Variants in DHX37 observed in about 807,000 individuals in gnomAD.
DHX37 encodes the protein DEAH-box helicase 37.
Under a neutral mutation model 134.3 loss-of-function variants are expected in DHX37, and 52 were observed. That is an observed-to-expected ratio of 0.39 (90% confidence interval 0.31 to 0.49). The LOEUF is 0.49. Among genes scored for constraint, DHX37 ranks in the 20% least tolerant of loss-of-function variants. The probability of loss-of-function intolerance (pLI) is 0.93; values close to 1 mark genes in which losing one functional copy is unlikely to be tolerated. For synonymous variants in DHX37, 634 were observed against 670.7 expected (o/e 0.95, Z 0.85); for missense variants, 1,344 against 1,580.8 (o/e 0.85, Z 2.54).
intron 16 of DHX37, among the ~76,000 whole-genome samples, chr12:124,958,801 T>C (rs555395322): frequency 6.6e-6 from 1 of 151,928 alleles, no homozygotes; most frequent in African/African-American, 2.4e-5. Flanking sequence ...AATTTTTATA[T>C]TTTTAGTAGA....
chr12:124,970,865 G>A (rs1043233088), intron 8 of DHX37, among the ~76,000 whole-genome samples: 5 of 15,806 alleles, frequency 3.2e-4, no homozygotes, highest in African/African-American at 2.1e-3. Context: ...GCAGGCCCCT[G>A]TGTCAGGCTG....
At chr12:124,975,013 TG>T (rs1335199157) in intron 6 of DHX37, among the ~76,000 whole-genome samples, 2 of 152,198 alleles carry the variant, frequency 1.3e-5, no homozygotes, top group Non-Finnish European at 1.5e-5. Flanking sequence ...AGACCTCAGG[TG>T]ATCTGCCCGC....
chr12:124,959,397 A>G (rs1227772125), intron 16 of DHX37, among the ~76,000 whole-genome samples: 2 of 147,698 alleles, frequency 1.4e-5, no homozygotes, highest in Admixed American at 6.7e-5. Flanking sequence ...TTTTTTTTGT[A>G]TTTTTAGTAG....
Position 124,960,314 on chromosome 12 carries a change from T to C in DHX37, c.2155A>G (p.Lys719Glu). 1 of 1,612,358 alleles carries C rather than the reference T, an allele frequency of 6.2e-7. No individual in the cohort carries two copies. The highest frequency in any genetic ancestry group is 8.5e-7 in the Non-Finnish European group (1 of 1,178,806). Residue 719 changes from lysine to glutamate, a missense_variant and splice_region_variant, in exon 16 of 27, where the codon AAG (lysine) becomes GAG (glutamate). By Grantham distance (56) the Lys-to-Glu change is moderately conservative (BLOSUM62 1). Coordinates refer to ENST00000308736, the MANE Select transcript of DHX37 (RefSeq NM_032656.4). ...ILQMKALNVEKVINFPFPTPP... is the reference protein window; with the variant it reads ...ILQMKALNVEEVINFPFPTPP... The stretch of plus-strand genomic sequence containing the variant: ...CGGGGCTGGGGGCAGCAACTGACCT[T>C]TTCAACGTTGAGCGCCTTCATTTGA...
chr12:124,975,844 C>T (rs1352891232), intron 5 of DHX37, among the ~76,000 whole-genome samples: 3 of 152,182 alleles, frequency 2.0e-5, no homozygotes, highest in Admixed American at 6.5e-5. Flanking sequence ...GTGGCTGGTC[C>T]CAGCTCTGTG....
At chr12:124,971,750 C>T (rs1172957695) in intron 7 of DHX37, among the ~76,000 whole-genome samples, 1 of 152,180 alleles carries the variant, frequency 6.6e-6, no homozygotes, top group Non-Finnish European at 1.5e-5. Flanking sequence ...GGAGATTGGC[C>T]CTGCCCAAGG....
intron 2 of DHX37, among the ~76,000 whole-genome samples, chr12:124,985,192 G>A (rs1168622088): frequency 1.3e-5 from 2 of 152,160 alleles, no homozygotes; most frequent in Non-Finnish European, 2.9e-5. Context: ...CCCTCAGTTT[G>A]TGGTCATTTG....
Position 124,982,610 on chromosome 12 carries a change from A to G in DHX37, c.290T>C (p.Leu97Pro). 1 of 1,613,592 alleles carries G rather than the reference A, an allele frequency of 6.2e-7. No homozygotes were observed. The highest frequency in any genetic ancestry group is 8.5e-7 in the Non-Finnish European group (1 of 1,179,732). ...KEKKSQRAEMLQKLSEVQASE... is the reference protein window; with the variant it reads ...KEKKSQRAEMPQKLSEVQASE... ...AGCCTGGACTTCACTCAGCTTCTGTAGCATCTCTGCTCGCTGGGAAAGGAA... is the reference window on the plus strand; with the variant it reads ...AGCCTGGACTTCACTCAGCTTCTGTGGCATCTCTGCTCGCTGGGAAAGGAA... The change falls in exon 3 of 27, where the codon CTA becomes CCA. Residue 97 changes from leucine (L) to proline (P), a missense_variant. Coordinates refer to ENST00000308736, the MANE Select transcript of DHX37 (RefSeq NM_032656.4).
At position 124,957,124 on chromosome 12, in the gene DHX37, G is replaced by A; in HGVS notation, c.2169C>T (p.Phe723=). Residue 723 remains phenylalanine (F), a synonymous_variant, in exon 17 of 27, where the codon TTC becomes TTT. Coordinates refer to ENST00000308736, the MANE Select transcript of DHX37 (RefSeq NM_032656.4). ...CCACGGAGGGGGGCGTCGGGAAGGG[G>A]AAGTTGATGACCTGGGACACAAGGA... ...KALNVEKVIN[F]PFPTPPSVEA... 6.7e-7 allele frequency: 1 copy of A among 1,497,800 alleles called. No individual in the cohort carries two copies. Among genetic ancestry groups the A allele is most frequent in the Non-Finnish European group, 8.9e-7 (1 of 1,126,260 alleles). The allele number at this position is 1,497,800 out of a possible 1,614,324, so 92.8% of individuals were successfully genotyped here. A position where few individuals can be genotyped will look rare whatever the true frequency, so the allele number is the denominator to read the frequency against.
At chr12:124,975,544 C>G in intron 5 of DHX37, 33 bp from the exon 6 acceptor site, 3 of 1,603,220 alleles carry the variant, frequency 1.9e-6, no homozygotes, top group Non-Finnish European at 2.6e-6. Flanking sequence ...ATCAACAGTG[C>G]GCGGCCCCAC....
At chr12:124,972,891 A>G (rs1954548515) in intron 6 of DHX37, among the ~76,000 whole-genome samples, 1 of 152,368 alleles carries the variant, frequency 6.6e-6, no homozygotes, top group Admixed American at 6.5e-5. Context: ...AGACCTGCAC[A>G]TGGGCTGGAG....
At chr12:124,972,706 G>A (rs1954546144) in intron 6 of DHX37, 107 bp from the exon 7 acceptor site, 2 of 1,006,592 alleles carry the variant, frequency 2.0e-6, no homozygotes, top group African/African-American at 1.6e-5. Context: ...TTGAGGGCAG[G>A]GCCCGCTGGC....
rs974713343 is a variant in DHX37 at position 124,979,936 on chromosome 12, C to T, written c.738+554G>A. On this transcript the variant is annotated intron_variant, in intron 4 of 26. Transcript: ENST00000308736. ...GAAGCAGGATCCCAATTCCATTCAACGGCCAACATTACTCCTCTAGGGATC... is the reference window on the plus strand; with the variant it reads ...GAAGCAGGATCCCAATTCCATTCAATGGCCAACATTACTCCTCTAGGGATC... Among the ~76,000 whole-genome samples, 11 of 152,218 alleles carry T rather than the reference C, an allele frequency of 7.2e-5. No homozygotes were observed. In the South Asian group the frequency reaches 8.3e-4, roughly 11 times the overall value.
chr12:124,958,195 C>A (rs1954141884), intron 16 of DHX37, among the ~76,000 whole-genome samples: 1 of 152,240 alleles, frequency 6.6e-6, no homozygotes, highest in Non-Finnish European at 1.5e-5. Context: ...TACTGACCCA[C>A]ACACTTTCAA....
At chr12:124,979,610 G>A (rs1292000184) in intron 4 of DHX37, among the ~76,000 whole-genome samples, 1 of 152,200 alleles carries the variant, frequency 6.6e-6, no homozygotes, top group African/African-American at 2.4e-5. Context: ...TTTAAATACA[G>A]GCAAACCTAC....
rs775407067 is a variant in DHX37, at chr12:124,975,464, A to C, written c.935T>G (p.Val312Gly). The change falls in exon 6 of 27, where the codon GTG (valine) becomes GGG (glycine). Residue 312 changes from valine to glycine, a missense_variant. Coordinates refer to ENST00000308736, the MANE Select transcript of DHX37 (RefSeq NM_032656.4). Reference sequence around the variant, plus strand: ...CTTGGCCACTCGCTGGGACATGGCCACGGCGGCCACTCGGCGGGGCTCCGT... The same window carrying C: ...CTTGGCCACTCGCTGGGACATGGCCCCGGCGGCCACTCGGCGGGGCTCCGT... ...GVTEPRRVAA[V>G]AMSQRVAKEM... is the part of the protein sequence containing the mutation. The C allele has an allele frequency of 1.2e-6, 2 of 1,612,802 alleles. No individual in the cohort carries two copies. The highest frequency in any genetic ancestry group is 1.7e-6 in the Non-Finnish European group (2 of 1,179,974).
intron 13 of DHX37, among the ~76,000 whole-genome samples, 190 bp from the exon 14 acceptor site, chr12:124,965,196 T>A (rs1191535999): frequency 6.6e-6 from 1 of 152,202 alleles, no homozygotes; most frequent in Non-Finnish European, 1.5e-5. Flanking sequence ...AGGGGCTCTC[T>A]TGTCTCTGCT....
intron 4 of DHX37, among the ~76,000 whole-genome samples, chr12:124,979,779 C>T (rs1954717908): frequency 6.6e-6 from 1 of 152,228 alleles, no homozygotes; most frequent in African/African-American, 2.4e-5. Flanking sequence ...TCCTTGCCAC[C>T]AGATGGCACT....
intron 15 of DHX37, among the ~76,000 whole-genome samples, chr12:124,961,248 GCAC>G: frequency 1.7e-5 from 2 of 120,982 alleles, no homozygotes; most frequent in African/African-American, 7.6e-5. Flanking sequence ...ATACACGCGT[GCAC>G]GCACGCACAC....
Sources: allele counts gnomAD v4.1 joint callset (sites outside exome capture counted in the v4.1 genomes callset), GRCh38; gene constraint gnomAD v4.1.1; transcripts MANE v1.5; gene names NCBI Gene and HGNC (gene_info 2026-07-23, HGNC 2026-07-21).